PCK2: variants seen among roughly 807,000 people sequenced by gnomAD.
The protein encoded by PCK2 is phosphoenolpyruvate carboxykinase [GTP], mitochondrial.
Under a neutral mutation model 65.9 loss-of-function variants are expected in PCK2, and 56 were observed. The observed-to-expected ratio is 0.85, with a 90% CI of 0.69 to 1.06. PCK2 has a LOEUF of 1.06. Among genes scored for constraint, PCK2 ranks in the 50% least tolerant of loss-of-function variants. The pLI is 0.00. For synonymous variants in PCK2, 305 were observed against 319.6 expected, an observed-to-expected ratio of 0.95 and a Z score of 0.49; for missense variants, 843 against 863.1, an observed-to-expected ratio of 0.98 and a Z score of 0.29.
intron 1 of PCK2, among the ~76,000 whole-genome samples, chr14:24,096,437 A>G (rs868592310): frequency 1.3e-5 from 2 of 151,900 alleles, no homozygotes; most frequent in East Asian, 1.9e-4. Context: ...GGGTTTCACC[A>G]TGTTGCCCAG....
chr14:24,095,231 T>C (rs766951847), intron 1 of PCK2: 2 of 455,910 alleles, frequency 4.4e-6, no homozygotes. Context: ...GAAGGAAACG[T>C]CCCACTTAGA....
intron 9 of PCK2, 118 bp from the exon 10 acceptor site, chr14:24,103,392 C>A: frequency 8.5e-7 from 1 of 1,175,794 alleles, no homozygotes; most frequent in Non-Finnish European, 1.2e-6. Flanking sequence ...ATCTTTTCCC[C>A]ATCCCTGAAG....
rs1166023082 is a variant in PCK2, at chr14:24,094,560, G to A, written c.29+126G>A. 3.5e-6 allele frequency: 5 copies of A among 1,441,042 alleles called. No individual in the cohort carries two copies. In the African/African-American group the frequency reaches 5.7e-5, roughly 17 times the overall value. 89.3% of individuals were successfully genotyped at this position (1,441,042 alleles called of 1,614,324 possible). A position where few individuals can be genotyped will look rare whatever the true frequency, so the allele number is the denominator to read the frequency against. On this transcript the variant is annotated intron_variant, in intron 1 of 9. Transcript: ENST00000216780. This position sits in a 1 kb window ranked among gnomAD's most constrained non-coding sequence, Gnocchi z 4.1. Reference sequence around the variant, plus strand: ...CCCATCCTAGGCGGAGGCGGGCAGGGGCGACTGCTGTGGGTCCAGCCTCCC... The same window carrying A: ...CCCATCCTAGGCGGAGGCGGGCAGGAGCGACTGCTGTGGGTCCAGCCTCCC...
In PCK2 at chr14:24,098,342, G is replaced by A. The variant is rs2036991173; in HGVS notation, c.415G>A (p.Asp139Asn). 1.2e-6 allele frequency: 2 copies of A among 1,613,712 alleles called. No individual in the cohort carries two copies. The highest frequency in any genetic ancestry group is 4.5e-5 in the East Asian group (2 of 44,876). Residue 139 changes from aspartate (D) to asparagine (N), a missense_variant, in exon 3 of 10, where the codon GAT becomes AAT. Physicochemically the swap from Asp to Asn is conservative, Grantham distance 23. Transcript: ENST00000216780. ...GQLGNWMSPADFQRAVDERFP... is the reference protein window; with the variant it reads ...GQLGNWMSPANFQRAVDERFP... ...GCTGGGCAACTGGATGTCCCCAGCT[G>A]ATTTCCAGCGAGCTGTGGATGAGAG...
chr14:24,103,092 C>T (rs1417286632), intron 8 of PCK2, 68 bp from the exon 9 acceptor site: 1 of 1,336,394 alleles, frequency 7.5e-7, no homozygotes, highest in Non-Finnish European at 1.1e-6. Flanking sequence ...CAGTCAAGCT[C>T]ACCAGAAGGG....
intron 7 of PCK2, 184 bp downstream of exon 7, chr14:24,100,397 T>G: frequency 7.5e-7 from 1 of 1,335,264 alleles, no homozygotes; most frequent in Admixed American, 3.1e-5. Flanking sequence ...AGTCACTGGT[T>G]TTGTGATCTG....
At chr14:24,098,785 A>C in intron 4 of PCK2, 107 bp downstream of exon 4, 1 of 951,210 alleles carries the variant, frequency 1.1e-6, no homozygotes, top group South Asian at 1.5e-5. Context: ...CTCTCTGGCA[A>C]CCTAATTCCC....
At position 24,094,326 on chromosome 14, in the gene PCK2, G is replaced by T; in HGVS notation, c.-80G>T. The T allele has an allele frequency of 7.2e-7, 1 of 1,395,644 alleles. No homozygotes were observed. Among genetic ancestry groups the T allele is most frequent in the Non-Finnish European group, 9.8e-7 (1 of 1,024,866 alleles). 86.5% of individuals were successfully genotyped at this position (1,395,644 alleles called of 1,614,324 possible). A position where few individuals can be genotyped will look rare whatever the true frequency, so the allele number is the denominator to read the frequency against. On this transcript the variant is annotated 5_prime_UTR_variant, in exon 1 of 10. Transcript: ENST00000216780. This position sits in a 1 kb window ranked among gnomAD's most constrained non-coding sequence, Gnocchi z 4.1. ...AGCCTCTGCTGTGGCTCGCTTCGCC[G>T]CGCTCCCTCCTTCCCCGCCTTCCAT... is the stretch of plus-strand genomic sequence containing the variant.
rs1252232780 is a variant in PCK2, at chr14:24,098,271, C to A, written c.344C>A (p.Ser115Tyr). The A allele has an allele frequency of 6.8e-6, 11 of 1,614,046 alleles. No individual in the cohort carries two copies. The highest frequency in any genetic ancestry group is 9.3e-6 in the Non-Finnish European group (11 of 1,180,004). ...AGCAAGACGGTGATTGTAACTCCTTCTCAGCGGGACACGGTACCACTCCCG... is the reference window on the plus strand; with the variant it reads ...AGCAAGACGGTGATTGTAACTCCTTATCAGCGGGACACGGTACCACTCCCG... ...VESKTVIVTP[S>Y]QRDTVPLPPG... Residue 115 changes from serine to tyrosine, a missense_variant, in exon 3 of 10, where the codon TCT becomes TAT. Transcript: ENST00000216780.
intron 1 of PCK2, 94 bp from the exon 2 acceptor site, chr14:24,096,798 A>T: frequency 9.3e-7 from 1 of 1,081,006 alleles, no homozygotes; most frequent in Non-Finnish European, 1.4e-6. Context: ...GACATGTTTT[A>T]GCAGGCTGCA....
intron 7 of PCK2, chr14:24,100,597 G>C: frequency 9.3e-7 from 1 of 1,076,682 alleles, no homozygotes; most frequent in Non-Finnish European, 1.1e-6. Context: ...AAAGGAAAAG[G>C]AAGGACTTTT....
intron 1 of PCK2, among the ~76,000 whole-genome samples, chr14:24,095,587 C>G (rs1010910836): frequency 6.6e-6 from 1 of 152,052 alleles, no homozygotes; most frequent in Non-Finnish European, 1.5e-5. Flanking sequence ...GCTCTCTAGG[C>G]ATGTGGCCTC....
chr14:24,101,082 T>TC (rs1368991864), intron 7 of PCK2, among the ~76,000 whole-genome samples: 1 of 152,132 alleles, frequency 6.6e-6, no homozygotes, highest in African/African-American at 2.4e-5. Context: ...CCTTGCTTCA[T>TC]CTAATCACCC....
chr14:24,103,914 G>C lies in PCK2; in HGVS notation c.1873G>C (p.Glu625Gln). ...TEQVNQDLPKEVLAELEALER... is the reference protein window; with the variant it reads ...TEQVNQDLPKQVLAELEALER... ...GCAGGTCAACCAGGATCTGCCCAAA[G>C]AGGTGTTGGCTGAGCTTGAGGCCCT... Residue 625 changes from glutamate to glutamine, a missense_variant, in exon 10 of 10, where the codon GAG (glutamate) becomes CAG (glutamine). Physicochemically the swap from Glu to Gln is conservative, Grantham distance 29 (BLOSUM62 2). Transcript: ENST00000216780. 6.2e-7 allele frequency: 1 copy of C among 1,614,198 alleles called. No individual in the cohort carries two copies.
At chr14:24,098,100 G>A in intron 2 of PCK2, 103 bp from the exon 3 acceptor site, 6 of 919,306 alleles carry the variant, frequency 6.5e-6, no homozygotes, top group Non-Finnish European at 9.9e-6. Flanking sequence ...GGAAACATAA[G>A]GCCAACAGAA....
In PCK2 at chr14:24,097,152, C is replaced by T; in HGVS notation, c.275+15C>T. The T allele has an allele frequency of 2.5e-6, 4 of 1,611,946 alleles. No homozygotes were observed. The highest frequency in any genetic ancestry group is 3.4e-6 in the Non-Finnish European group (4 of 1,178,532). ...TACAATAACTGGTAAGCCTTGGGCT[C>T]CACAACCTGCAGGATAGGTGCACTG... On this transcript the variant is annotated intron_variant, in intron 2 of 9. Transcript: ENST00000216780.
At position 24,099,191 on chromosome 14, in the gene PCK2, C is replaced by T; in HGVS notation, c.807C>T (p.Ala269=). The T allele has an allele frequency of 1.2e-6, 2 of 1,605,444 alleles. No homozygotes were observed. Among genetic ancestry groups the T allele is most frequent in the African/African-American group, 1.3e-5 (1 of 75,032 alleles). ...AGAAGTGCTTTGCCCTACGCATCGCCTCTCGGCTGGCCCGGGATGAGGGCT... is the reference window on the plus strand; with the variant it reads ...AGAAGTGCTTTGCCCTACGCATCGCTTCTCGGCTGGCCCGGGATGAGGGCT... The part of the protein sequence containing the change: ...LGKKCFALRI[A]SRLARDEGWL... The change falls in exon 5 of 10, where the codon GCC becomes GCT. Residue 269 remains alanine, a synonymous_variant. Coordinates refer to ENST00000216780, the MANE Select transcript of PCK2 (RefSeq NM_004563.4).
In PCK2 at chr14:24,099,126, T is replaced by G; in HGVS notation, c.742T>G (p.Ser248Ala). 2.5e-6 allele frequency: 4 copies of G among 1,612,414 alleles called. No homozygotes were observed. Among genetic ancestry groups the G allele is most frequent in the African/African-American group, 1.3e-5 (1 of 75,036 alleles). Residue 248 changes from serine to alanine, a missense_variant, in exon 5 of 10, where the codon TCC (serine) becomes GCC (alanine). Physicochemically the swap from Ser to Ala is moderately conservative, Grantham distance 99. Transcript: ENST00000216780. ...GHVPDQREII[S>A]FGSGYGGNSL... ...CGTGCCCGACCAGCGGGAGATCATCTCCTTCGGCAGCGGCTATGGTGGCAA... is the reference window on the plus strand; with the variant it reads ...CGTGCCCGACCAGCGGGAGATCATCGCCTTCGGCAGCGGCTATGGTGGCAA...
chr14:24,102,788 T>C lies in PCK2; in HGVS notation c.1270T>C (p.Phe424Leu). The C allele has an allele frequency of 6.2e-7, 1 of 1,613,876 alleles. No individual in the cohort carries two copies. The highest frequency in any genetic ancestry group is 8.5e-7 in the Non-Finnish European group (1 of 1,179,740). ...KEPCAHPNSRFCAPARQCPIM... is the reference protein window; with the variant it reads ...KEPCAHPNSRLCAPARQCPIM... ...GCCCTGTGCACATCCCAACTCTCGA[T>C]TTTGTGCCCCGGCTCGCCAGTGCCC... Residue 424 changes from phenylalanine (F) to leucine (L), a missense_variant, in exon 8 of 10, where the codon TTT becomes CTT. Physicochemically the swap from Phe to Leu is conservative, Grantham distance 22 (BLOSUM62 0). Coordinates refer to ENST00000216780, the MANE Select transcript of PCK2 (RefSeq NM_004563.4).
Sources: allele counts gnomAD v4.1 joint callset (sites outside exome capture counted in the v4.1 genomes callset), GRCh38; gene constraint gnomAD v4.1.1; non-coding constraint Gnocchi (gnomAD v3.1); transcripts MANE v1.5; gene names NCBI Gene and HGNC (gene_info 2026-07-23, HGNC 2026-07-21).